Variants in LDLRAD3 observed in about 807,000 individuals in gnomAD.
LDLRAD3 encodes low-density lipoprotein receptor class A domain-containing protein 3.
In LDLRAD3, 20 loss-of-function variants were observed where a neutral mutation model predicts 29.4. The observed-to-expected ratio is 0.68, with a 90% confidence interval of 0.48 to 0.99. The LOEUF is 0.99. Among genes scored for constraint, LDLRAD3 ranks in the 50% least tolerant of loss-of-function variants. LDLRAD3 has a pLI of 0.00. For missense variants in LDLRAD3, 420 were observed against 454.3 expected (o/e 0.92, Z 0.69); for synonymous variants, 157 against 192.7 (o/e 0.81, Z 1.53).
At chr11:36,035,932 G>A (rs907768539) in intron 1 of LDLRAD3, among the ~76,000 whole-genome samples, 171 bp from the exon 2 acceptor site, 41 of 152,168 alleles carry the variant, frequency 2.7e-4, no homozygotes, top group African/African-American at 9.9e-4. Context: ...ATCTCTGGAG[G>A]TGGACTGGGG....
intron 4 of LDLRAD3, among the ~76,000 whole-genome samples, chr11:36,181,543 C>A (rs974685826): frequency 2.6e-5 from 4 of 152,180 alleles, no homozygotes; most frequent in African/African-American, 9.7e-5. Context: ...AAAGTCCAGA[C>A]CGTCCCTGGG....
intron 3 of LDLRAD3, among the ~76,000 whole-genome samples, chr11:36,086,557 G>A (rs1853199199): frequency 6.6e-6 from 1 of 152,150 alleles, no homozygotes; most frequent in African/African-American, 2.4e-5. Context: ...AGTCTTTGAT[G>A]TGCTGATTAG....
chr11:36,139,658 C>T (rs1016156593), intron 4 of LDLRAD3, among the ~76,000 whole-genome samples: 1 of 152,168 alleles, frequency 6.6e-6, no homozygotes, highest in African/African-American at 2.4e-5. Context: ...TGAGTCCAAA[C>T]CTGTGCGCTT....
intron 4 of LDLRAD3, among the ~76,000 whole-genome samples, chr11:36,161,630 C>G (rs1347640620): frequency 6.6e-6 from 1 of 152,142 alleles, no homozygotes; most frequent in Non-Finnish European, 1.5e-5. Context: ...CAGAGGCCAA[C>G]TCCACTTCAG....
intron 2 of LDLRAD3, among the ~76,000 whole-genome samples, chr11:36,061,849 A>G (rs1852705402): frequency 6.6e-6 from 1 of 152,156 alleles, no homozygotes; most frequent in East Asian, 1.9e-4. Context: ...AGGAATATCA[A>G]CTGTATGTTT....
intron 1 of LDLRAD3, among the ~76,000 whole-genome samples, chr11:35,954,725 T>A (rs762370086): frequency 6.6e-6 from 1 of 152,218 alleles, no homozygotes; most frequent in Non-Finnish European, 1.5e-5. Flanking sequence ...AGGATATCCC[T>A]TGGCTTAAAA....
Position 35,978,428 on chromosome 11 carries a change from C to T in LDLRAD3, c.46+34284C>T, listed in dbSNP as rs186388091. Among the ~76,000 whole-genome samples, 86 of 152,306 alleles carry T rather than the reference C, an allele frequency of 5.6e-4. 1 individual carries two copies. Among genetic ancestry groups the T allele is most frequent in the Admixed American group, 2.2e-3 (34 of 15,300 alleles). The stretch of plus-strand genomic sequence containing the variant: ...ATTCTGTTTGTGACATTGTGTAACA[C>T]GACCCAGTACGGCCATCAGTTAAAT... On this transcript the variant is annotated intron_variant, in intron 1 of 5. Transcript: ENST00000315571.
At chr11:35,976,842 GTGTT>G (rs1023555610) in intron 1 of LDLRAD3, among the ~76,000 whole-genome samples, 4 of 152,174 alleles carry the variant, frequency 2.6e-5, no homozygotes, top group Non-Finnish European at 5.9e-5. Context: ...TTTAAGGTGT[GTGTT>G]TGTGTGTGTG....
At chr11:35,957,668 T>C (rs1291116146) in intron 1 of LDLRAD3, among the ~76,000 whole-genome samples, 1 of 151,556 alleles carries the variant, frequency 6.6e-6, no homozygotes, top group African/African-American at 2.4e-5. Flanking sequence ...GGCACAGTGG[T>C]GTGCATCTAT....
chr11:36,166,896 T>C (rs1293855447), intron 4 of LDLRAD3, among the ~76,000 whole-genome samples: 1 of 152,198 alleles, frequency 6.6e-6, no homozygotes, highest in Non-Finnish European at 1.5e-5. Context: ...ATAGCGAGGC[T>C]CTAGTCTACC....
chr11:36,113,773 A>G lies in LDLRAD3; in HGVS notation c.454+15312A>G, dbSNP rs901489569. ...ATTGCAACCCCTGCCTCCCAGGTTC[A>G]TGCGATTCTCCTGCCTCAACCTCCT... On this transcript the variant is annotated intron_variant, in intron 4 of 5. Transcript: ENST00000315571. Among the ~76,000 whole-genome samples the G allele has an allele frequency of 8.4e-4, 125 of 149,202 alleles. 1 individual carries two copies. Among genetic ancestry groups the G allele is most frequent in the Non-Finnish European group, 1.9e-4 (13 of 67,836 alleles).
At chr11:36,035,079 G>T (rs2133209168) in intron 1 of LDLRAD3, among the ~76,000 whole-genome samples, 1 of 152,144 alleles carries the variant, frequency 6.6e-6, no homozygotes, top group South Asian at 2.1e-4. Flanking sequence ...TGCATCTTTA[G>T]AACATAGCAC....
chr11:36,035,799 A>G (rs1372524678), intron 1 of LDLRAD3, among the ~76,000 whole-genome samples: 1 of 152,194 alleles, frequency 6.6e-6, no homozygotes. Context: ...ATGGCCAGAA[A>G]AGAACATTTG....
At chr11:36,084,424 G>A (rs1326485737) in intron 3 of LDLRAD3, among the ~76,000 whole-genome samples, 2 of 152,134 alleles carry the variant, frequency 1.3e-5, no homozygotes, top group Non-Finnish European at 2.9e-5. Context: ...TTCAAGGTCA[G>A]CCTGGGTAAC....
At chr11:36,180,633 T>C (rs941748118) in intron 4 of LDLRAD3, among the ~76,000 whole-genome samples, 5 of 151,926 alleles carry the variant, frequency 3.3e-5, no homozygotes, top group Non-Finnish European at 1.5e-5. Context: ...AGTGGAGGAG[T>C]ACCCTCATGT....
intron 1 of LDLRAD3, among the ~76,000 whole-genome samples, chr11:36,000,241 A>G (rs1286031143): frequency 2.7e-5 from 4 of 149,414 alleles, no homozygotes; most frequent in Non-Finnish European, 5.9e-5. Flanking sequence ...ATATATGTAT[A>G]CATGCTATAT....
At chr11:36,164,235 T>C (rs1043563032) in intron 4 of LDLRAD3, among the ~76,000 whole-genome samples, 1 of 152,238 alleles carries the variant, frequency 6.6e-6, no homozygotes, top group Non-Finnish European at 1.5e-5. Context: ...GTGAAGCACA[T>C]GGGCGTTGGG....
chr11:35,983,002 C>A (rs1199937298), intron 1 of LDLRAD3, among the ~76,000 whole-genome samples: 2 of 152,054 alleles, frequency 1.3e-5, no homozygotes, highest in Non-Finnish European at 2.9e-5. Context: ...TACAGGTGTG[C>A]ACCACCATGC....
chr11:35,950,118 G>A (rs1851112268), intron 1 of LDLRAD3, among the ~76,000 whole-genome samples: 1 of 152,136 alleles, frequency 6.6e-6, no homozygotes, highest in Non-Finnish European at 1.5e-5. Context: ...ATGACCCACT[G>A]ATGGAAATGG....
Sources: gnomAD v4.1 joint callset for allele counts (sites outside exome capture counted in the v4.1 genomes callset) on GRCh38, gnomAD v4.1.1 for gene constraint, MANE v1.5 for transcripts, NCBI Gene and HGNC (gene_info 2026-07-23, HGNC 2026-07-21) for gene names.